Variants in MAP2K5 observed in about 807,000 individuals in gnomAD.
MAP2K5 encodes the protein mitogen-activated protein kinase kinase 5.
In MAP2K5, 49 loss-of-function variants were observed where a neutral mutation model predicts 83.1. That is an observed-to-expected ratio of 0.59 (90% CI 0.47 to 0.75). MAP2K5 has a LOEUF of 0.75. Ranked by LOEUF, MAP2K5 falls within the 30% of genes least tolerant of loss-of-function variation. MAP2K5 has a pLI of 0.00. For missense variants in MAP2K5, 457 were observed against 557.5 expected (o/e 0.82, Z 1.82); for synonymous variants, 202 against 191.8 (o/e 1.05, Z -0.44).
At chr15:67,649,666 A>G (rs1297139928) in intron 11 of MAP2K5, among the ~76,000 whole-genome samples, 1 of 152,142 alleles carries the variant, frequency 6.6e-6, no homozygotes, top group Admixed American at 6.5e-5. Context: ...ATCAATGCGT[A>G]TACATCTCGC....
At position 67,736,097 on chromosome 15, in the gene MAP2K5, G is replaced by A. The variant is rs953251073; in HGVS notation, c.1074+8152G>A. On this transcript the variant is annotated intron_variant, in intron 17 of 21. Coordinates refer to ENST00000178640, the MANE Select transcript of MAP2K5 (RefSeq NM_145160.3). The surrounding 1 kb of genome is among the most constrained non-coding windows in gnomAD (Gnocchi z 4.3). ...GCAATTCTCCTAGGTAACTTTTAAA[G>A]TCACCGTGGGAAGGAAGTAAGAAAA... 6.6e-6 allele frequency among the ~76,000 whole-genome samples: 1 copy of A among 152,194 alleles called. No individual in the cohort carries two copies. The highest frequency in any genetic ancestry group is 1.5e-5 in the Non-Finnish European group (1 of 68,030).
Position 67,769,394 on chromosome 15 carries a change from T to C in MAP2K5, c.1135-208T>C, listed in dbSNP as rs1376636186. Among the ~76,000 whole-genome samples the C allele has an allele frequency of 6.6e-6, 1 of 152,236 alleles. No individual in the cohort carries two copies. Among genetic ancestry groups the C allele is most frequent in the Non-Finnish European group, 1.5e-5 (1 of 68,042 alleles). ...CTCCCCCTCTCTCAGCTCTCATGTT[T>C]CTCACCATTGTAAAATATGTGTGGC... On this transcript the variant is annotated intron_variant, in intron 19 of 21. Transcript: ENST00000178640. This position sits in a 1 kb window ranked among gnomAD's most constrained non-coding sequence, Gnocchi z 5.2.
chr15:67,771,124 CA>C lies in MAP2K5; in HGVS notation c.1196+1462del, dbSNP rs1566958896. Among the ~76,000 whole-genome samples the C allele has an allele frequency of 7.7e-3, 19 of 2,474 alleles. No individual in the cohort carries two copies. The South Asian group carries it at 0.18, about 23-fold the overall frequency. 1.6% of individuals were successfully genotyped at this position (2,474 alleles called of 152,430 possible). A position where few individuals can be genotyped will look rare whatever the true frequency, so the allele number is the denominator to read the frequency against. On this transcript the variant is annotated intron_variant, in intron 20 of 21. Coordinates refer to ENST00000178640, the MANE Select transcript of MAP2K5 (RefSeq NM_145160.3). ...TCCTTTACATGGAATTCTTAAAACA[CA>C]TGGTAATGTGTACCATGTGTTTTAC...
intron 7 of MAP2K5, among the ~76,000 whole-genome samples, chr15:67,598,021 A>G (rs889982564): frequency 6.6e-6 from 1 of 152,078 alleles, no homozygotes; most frequent in Admixed American, 6.5e-5. Flanking sequence ...CCCGGATATC[A>G]TGGTGAAACC....
At chr15:67,622,995 G>A (rs1436721789) in intron 8 of MAP2K5, among the ~76,000 whole-genome samples, 1 of 152,152 alleles carries the variant, frequency 6.6e-6, no homozygotes, top group Non-Finnish European at 1.5e-5. Context: ...CCAGCTACTC[G>A]GGAGGCTGAG....
Position 67,747,751 on chromosome 15 carries a change from T to C in MAP2K5, c.1075-480T>C, listed in dbSNP as rs758996400. On this transcript the variant is annotated intron_variant, in intron 17 of 21. Coordinates refer to ENST00000178640, the MANE Select transcript of MAP2K5 (RefSeq NM_145160.3). This position sits in a 1 kb window ranked among gnomAD's most constrained non-coding sequence, Gnocchi z 4.1. The stretch of plus-strand genomic sequence containing the variant: ...GGTGCAAATACTTCAACTACATAAT[T>C]AAAGTTTTCCTCACAAAATAGGGGA... Among the ~76,000 whole-genome samples, 1 of 152,162 alleles carries C rather than the reference T, an allele frequency of 6.6e-6. No homozygotes were observed. The highest frequency in any genetic ancestry group is 1.5e-5 in the Non-Finnish European group (1 of 68,032).
chr15:67,633,000 A>C (rs774137114), intron 9 of MAP2K5, among the ~76,000 whole-genome samples: 114 of 152,302 alleles, frequency 7.5e-4, no homozygotes, highest in Non-Finnish European at 8.7e-4. Flanking sequence ...GGGTCCATAG[A>C]ATTGTAGAAC....
At position 67,690,618 on chromosome 15, in the gene MAP2K5, C is replaced by T. The variant is rs1419834436; in HGVS notation, c.848-1861C>T. On this transcript the variant is annotated intron_variant, in intron 13 of 21. Coordinates refer to ENST00000178640, the MANE Select transcript of MAP2K5 (RefSeq NM_145160.3). This position sits in a 1 kb window ranked among gnomAD's most constrained non-coding sequence, Gnocchi z 4.3. ...GCACCATCTCAGCTCACTGCAACCT[C>T]TGTTTCCCAGGTTGAAGCAATTCTC... 1.3e-5 allele frequency among the ~76,000 whole-genome samples: 2 copies of T among 151,444 alleles called. No homozygotes were observed. Among genetic ancestry groups the T allele is most frequent in the Admixed American group, 1.3e-4 (2 of 15,220 alleles).
At chr15:67,674,176 T>C (rs1271218402) in intron 13 of MAP2K5, among the ~76,000 whole-genome samples, 1 of 152,168 alleles carries the variant, frequency 6.6e-6, no homozygotes, top group Non-Finnish European at 1.5e-5. Flanking sequence ...AACTGGTTAG[T>C]GCTTGAGTAA....
At chr15:67,583,375 T>C (rs2085223282) in intron 4 of MAP2K5, among the ~76,000 whole-genome samples, 2 of 152,260 alleles carry the variant, frequency 1.3e-5, no homozygotes, top group Admixed American at 6.5e-5. Context: ...TATGTAGTCT[T>C]AGCATAAAAC....
At chr15:67,756,273 T>C (rs918312321) in intron 19 of MAP2K5, among the ~76,000 whole-genome samples, 1 of 152,224 alleles carries the variant, frequency 6.6e-6, no homozygotes, top group Non-Finnish European at 1.5e-5. Context: ...CATCTTCTTA[T>C]GCTGCTTTCT....
chr15:67,552,870 A>G lies in MAP2K5; in HGVS notation c.184+2788A>G, dbSNP rs2084540808. Among the ~76,000 whole-genome samples the G allele has an allele frequency of 6.6e-6, 1 of 152,198 alleles. No individual in the cohort carries two copies. Among genetic ancestry groups the G allele is most frequent in the Non-Finnish European group, 1.5e-5 (1 of 68,036 alleles). ...AGTAGTTTCCAGAGTGTATATTCTC[A>G]ACCACTGTACTGGACTTGTTTTGAG... On this transcript the variant is annotated intron_variant, in intron 2 of 21. Transcript: ENST00000178640. This position sits in a 1 kb window ranked among gnomAD's most constrained non-coding sequence, Gnocchi z 4.2.
intron 21 of MAP2K5, among the ~76,000 whole-genome samples, chr15:67,800,046 C>T (rs1269784555): frequency 6.6e-6 from 1 of 152,122 alleles, no homozygotes; most frequent in Non-Finnish European, 1.5e-5. Flanking sequence ...AGCCTGGCCA[C>T]GCCCAGCCTG....
At chr15:67,575,594 A>C (rs991698031) in intron 3 of MAP2K5, among the ~76,000 whole-genome samples, 1 of 152,234 alleles carries the variant, frequency 6.6e-6, no homozygotes, top group African/African-American at 2.4e-5. Flanking sequence ...GGTATGAGAA[A>C]TATGAGATAA....
Position 67,561,421 on chromosome 15 carries a change from A to G in MAP2K5, c.185-1862A>G, listed in dbSNP as rs1239652109. Among the ~76,000 whole-genome samples, 3 of 152,214 alleles carry G rather than the reference A, an allele frequency of 2.0e-5. No homozygotes were observed. The highest frequency in any genetic ancestry group is 4.4e-5 in the Non-Finnish European group (3 of 68,040). Reference sequence around the variant, plus strand: ...TCTAGAGATTCTATATCTAAAGCGAATGAAAGAATCTTTATGTGTGTAACA... The same window carrying G: ...TCTAGAGATTCTATATCTAAAGCGAGTGAAAGAATCTTTATGTGTGTAACA... On this transcript the variant is annotated intron_variant, in intron 2 of 21. Transcript: ENST00000178640. This position sits in a 1 kb window ranked among gnomAD's most constrained non-coding sequence, Gnocchi z 4.2.
At chr15:67,664,728 T>TCTG in intron 13 of MAP2K5, 83 bp downstream of exon 13, 1 of 881,550 alleles carries the variant, frequency 1.1e-6, no homozygotes, top group South Asian at 1.5e-5. Flanking sequence ...AAGTAAGTGT[T>TCTG]CTGACATTTA....
chr15:67,757,340 A>C lies in MAP2K5; in HGVS notation c.1134+8739A>C, dbSNP rs1475773994. On this transcript the variant is annotated intron_variant, in intron 19 of 21. Coordinates refer to ENST00000178640, the MANE Select transcript of MAP2K5 (RefSeq NM_145160.3). This position sits in a 1 kb window ranked among gnomAD's most constrained non-coding sequence, Gnocchi z 4.9. ...TCAGATTATGTCTTCCCATTGATTC[A>C]ATAGTTGATGTTCACACATTTCTAA... 6.6e-6 allele frequency among the ~76,000 whole-genome samples: 1 copy of C among 152,194 alleles called. No individual in the cohort carries two copies. Among genetic ancestry groups the C allele is most frequent in the African/African-American group, 2.4e-5 (1 of 41,450 alleles).
Position 67,806,684 on chromosome 15 carries a change from C to G in MAP2K5, c.1281C>G (p.Ala427=). Residue 427 remains alanine (A), a synonymous_variant, in exon 22 of 22, where the codon GCC becomes GCG. Transcript: ENST00000178640. ...TCGTGCAGTTCAATGATGGAAATGCCGCCGTGGTGTCCATGTGGGTGTGCC... is the reference window on the plus strand; with the variant it reads ...TCGTGCAGTTCAATGATGGAAATGCGGCCGTGGTGTCCATGTGGGTGTGCC... ...PFIVQFNDGN[A]AVVSMWVCRA... The G allele has an allele frequency of 1.3e-6, 2 of 1,551,504 alleles. No individual in the cohort carries two copies. Among genetic ancestry groups the G allele is most frequent in the Non-Finnish European group, 1.7e-6 (2 of 1,147,312 alleles).
intron 17 of MAP2K5, among the ~76,000 whole-genome samples, chr15:67,729,784 G>T (rs1490983661): frequency 6.6e-6 from 1 of 152,042 alleles, no homozygotes; most frequent in Non-Finnish European, 1.5e-5. Context: ...AAAAGAAATG[G>T]ATTACTGCCA....
Sources: allele counts gnomAD v4.1 joint callset (sites outside exome capture counted in the v4.1 genomes callset), GRCh38; gene constraint gnomAD v4.1.1; non-coding constraint Gnocchi (gnomAD v3.1); transcripts MANE v1.5; gene names NCBI Gene and HGNC (gene_info 2026-07-23, HGNC 2026-07-21).